Variants in HIVEP3 observed in about 807,000 individuals in gnomAD.
HIVEP3 encodes transcription factor HIVEP3.
HIVEP3 carries 49 observed loss-of-function variants against 152.8 expected under a neutral mutation model. The ratio of observed to expected loss-of-function variants is 0.32; its 90% CI spans 0.26 to 0.41. The LOEUF (loss-of-function observed/expected upper bound fraction) is 0.41. Ranked by LOEUF, HIVEP3 falls within the 10% of genes least tolerant of loss-of-function variation. The pLI is 1.00. For synonymous variants in HIVEP3, 1,269 were observed against 1,289.0 expected (o/e 0.98, Z 0.33); for missense variants, 2,790 against 3,103.3 (o/e 0.90, Z 2.40).
Position 41,584,531 on chromosome 1 carries a change from G to C in HIVEP3, c.267C>G (p.Ser89=). 6.2e-7 allele frequency: 1 copy of C among 1,614,082 alleles called. No individual in the cohort carries two copies. Among genetic ancestry groups the C allele is most frequent in the Non-Finnish European group, 8.5e-7 (1 of 1,180,004 alleles). Residue 89 remains serine (S), a synonymous_variant, in exon 4 of 9, where the codon TCC becomes TCG. Coordinates refer to ENST00000372583, the MANE Select transcript of HIVEP3 (RefSeq NM_024503.5). This position sits in a 1 kb window ranked among gnomAD's most constrained non-coding sequence, Gnocchi z 5.2. ...KPPKRPPIEA[S]VHISQLPQHP... ...GCTGCGGAAGCTGTGAGATGTGGAC[G>C]GATGCTTCGATGGGGGGCCTTTTGG...
chr1:41,783,309 T>C (rs1050392790), intron 1 of HIVEP3, among the ~76,000 whole-genome samples: 1 of 152,176 alleles, frequency 6.6e-6, no homozygotes, highest in Non-Finnish European at 1.5e-5. Context: ...TCCGTATTCA[T>C]TCCCCTAGTG....
At chr1:41,545,188 CCAA>C (rs1643719127) in intron 5 of HIVEP3, among the ~76,000 whole-genome samples, 2 of 138,384 alleles carry the variant, frequency 1.4e-5, no homozygotes, top group Non-Finnish European at 3.1e-5. Context: ...ACCACCATCA[CCAA>C]CACCACCACC....
At chr1:41,940,991 A>G (rs115131786) in intron 1 of HIVEP3, among the ~76,000 whole-genome samples, 233 of 152,322 alleles carry the variant, frequency 1.5e-3, no homozygotes, top group African/African-American at 5.0e-3. Context: ...AAAAACCACA[A>G]GAGGGAACTT....
At chr1:41,726,744 G>C (rs899380930) in intron 1 of HIVEP3, among the ~76,000 whole-genome samples, 72 of 152,186 alleles carry the variant, frequency 4.7e-4, no homozygotes, top group African/African-American at 1.6e-3. Context: ...CAAAGATAGA[G>C]GACAGGTGTG....
chr1:41,884,554 A>T (rs2124431266), intron 1 of HIVEP3, among the ~76,000 whole-genome samples: 1 of 152,348 alleles, frequency 6.6e-6, no homozygotes, highest in Middle Eastern at 3.4e-3. Context: ...CCATCCTGCC[A>T]GCCTCAGAAG....
Position 41,870,412 on chromosome 1 carries a change from C to T in HIVEP3, c.-801+48001G>A, listed in dbSNP as rs554845701. ...CACACAATACTGATTTACTGTCTGT[C>T]ACCCTCCCTAAACTGTCAGTTCCAA... is the stretch of plus-strand genomic sequence containing the variant. On this transcript the variant is annotated intron_variant, in intron 1 of 8. Transcript: ENST00000372583. Among the ~76,000 whole-genome samples the T allele has an allele frequency of 3.9e-5, 6 of 152,288 alleles. No homozygotes were observed. In the East Asian group the frequency reaches 5.8e-4, roughly 15 times the overall value.
chr1:41,868,321 T>A (rs547504275), intron 1 of HIVEP3, among the ~76,000 whole-genome samples: 1 of 151,308 alleles, frequency 6.6e-6, no homozygotes, highest in East Asian at 2.0e-4. Context: ...AATATACAAA[T>A]ATTTGGAGAA....
chr1:41,858,188 G>T (rs1338233889), intron 1 of HIVEP3, among the ~76,000 whole-genome samples: 1 of 152,192 alleles, frequency 6.6e-6, no homozygotes, highest in Non-Finnish European at 1.5e-5. Flanking sequence ...TGGCCCTGCA[G>T]ATGCTACCAC....
chr1:41,885,977 G>A (rs1315415463), intron 1 of HIVEP3, among the ~76,000 whole-genome samples: 1 of 152,172 alleles, frequency 6.6e-6, no homozygotes, highest in Non-Finnish European at 1.5e-5. Flanking sequence ...TTACTGTGAT[G>A]CTAAGGAAGA....
At chr1:41,944,293 C>T (rs1645062952) in intron 1 of HIVEP3, among the ~76,000 whole-genome samples, 1 of 152,234 alleles carries the variant, frequency 6.6e-6, no homozygotes, top group South Asian at 2.1e-4. Flanking sequence ...TATTTTGTCA[C>T]AATTAAAAAC....
intron 1 of HIVEP3, among the ~76,000 whole-genome samples, chr1:41,738,786 G>T (rs1295120874): frequency 6.6e-6 from 1 of 151,114 alleles, no homozygotes; most frequent in Admixed American, 6.6e-5. Context: ...GGCAGCTATA[G>T]GGATTCCTGG....
At chr1:41,771,653 G>A (rs1172221476) in intron 1 of HIVEP3, among the ~76,000 whole-genome samples, 4 of 152,056 alleles carry the variant, frequency 2.6e-5, no homozygotes, top group African/African-American at 9.7e-5. Context: ...TACTCTCGGG[G>A]CTTGGCAGGT....
intron 1 of HIVEP3, among the ~76,000 whole-genome samples, chr1:41,804,154 T>A (rs966523290): frequency 4.6e-5 from 7 of 152,234 alleles, no homozygotes; most frequent in African/African-American, 1.7e-4. Context: ...AGCTCCTACT[T>A]ACTCTGTAAA....
chr1:41,946,139 T>G (rs1172022444), intron 1 of HIVEP3, among the ~76,000 whole-genome samples: 1 of 152,214 alleles, frequency 6.6e-6, no homozygotes, highest in Non-Finnish European at 1.5e-5. Flanking sequence ...TTGCTTCCAG[T>G]GCAGTCTACA....
rs533590524 is a variant in HIVEP3, at chr1:41,634,659, G to GA, written c.-720-5713dup. On this transcript the variant is annotated intron_variant, in intron 2 of 8. Coordinates refer to ENST00000372583, the MANE Select transcript of HIVEP3 (RefSeq NM_024503.5). ...AAAAAAGATGGAAATCAAATAAATG[G>GA]AAAAAAGCAAATGGTAACGAAAATA... Among the ~76,000 whole-genome samples, 335 of 152,076 alleles carry GA rather than the reference G, an allele frequency of 2.2e-3. 1 individual carries two copies. Among genetic ancestry groups the GA allele is most frequent in the South Asian group, 4.6e-3 (22 of 4,808 alleles).
At position 41,581,233 on chromosome 1, in the gene HIVEP3, G is replaced by A. The variant is rs779904247; in HGVS notation, c.3565C>T (p.Pro1189Ser). The A allele has an allele frequency of 1.6e-4, 247 of 1,579,466 alleles. No individual in the cohort carries two copies. Among genetic ancestry groups the A allele is most frequent in the Non-Finnish European group, 2.1e-4 (242 of 1,162,540 alleles). Residue 1189 changes from proline to serine, a missense_variant, in exon 4 of 9, where the codon CCA (proline) becomes TCA (serine). Around this residue, in one of 9 missense-constraint regions of HIVEP3, gnomAD observed 1,078 missense variants for 1,165.3 expected, o/e 0.93. Transcript: ENST00000372583. This position sits in a 1 kb window ranked among gnomAD's most constrained non-coding sequence, Gnocchi z 4.5. ...PPLPPSLFQA[P>S]PLPLQPTVLH... ...ACAGTAGGCTGGAGAGGAAGCGGTG[G>A]GGCTTGAAATAAGGAGGGAGGAAGT...
chr1:41,601,664 T>C (rs370537765), intron 3 of HIVEP3, among the ~76,000 whole-genome samples: 6 of 152,156 alleles, frequency 3.9e-5, no homozygotes, highest in African/African-American at 1.4e-4. Flanking sequence ...TAGGATTTTA[T>C]ATTATTTTGT....
At chr1:41,764,203 T>C (rs550561130) in intron 1 of HIVEP3, among the ~76,000 whole-genome samples, 1 of 152,008 alleles carries the variant, frequency 6.6e-6, no homozygotes, top group Non-Finnish European at 1.5e-5. Context: ...GGGGAGCCAA[T>C]GAGGATTGCT....
At chr1:41,871,595 T>C (rs113854399) in intron 1 of HIVEP3, among the ~76,000 whole-genome samples, 826 of 152,336 alleles carry the variant, frequency 5.4e-3, no homozygotes, top group Non-Finnish European at 9.0e-3. Flanking sequence ...CTCCTGGTAA[T>C]GAATAAGATG....
Sources: allele counts gnomAD v4.1 joint callset (sites outside exome capture counted in the v4.1 genomes callset), GRCh38; gene constraint gnomAD v4.1.1; regional missense constraint gnomAD v4.1.1; non-coding constraint Gnocchi (gnomAD v3.1); transcripts MANE v1.5; gene names NCBI Gene and HGNC (gene_info 2026-07-23, HGNC 2026-07-21).